The following ARMCX4 variants were observed in gnomAD, a reference collection of about 807,000 sequenced individuals.
ARMCX4 encodes armadillo repeat containing X-linked 4.
In ARMCX4, 3 loss-of-function variants were observed where a neutral mutation model predicts 34.7. That is an observed-to-expected ratio of 0.09 (90% CI 0.04 to 0.22). The LOEUF is 0.22. Ranked by LOEUF, ARMCX4 falls within the 10% of genes least tolerant of loss-of-function variation. The pLI is 1.00. For synonymous variants in ARMCX4, 513 were observed against 632.8 expected, an observed-to-expected ratio of 0.81 and a Z score of 2.84; for missense variants, 1,448 against 1,720.8, an observed-to-expected ratio of 0.84 and a Z score of 2.81.
At chrX:101,447,328 C>T (rs1038863320), downstream of ARMCX4, among the ~76,000 whole-genome samples, 2 of 112,479 alleles carry the variant, frequency 1.8e-5, no homozygotes, top group African/African-American at 6.5e-5. Context: ...TAAATCACCA[C>T]AGTCCCCTTA....
At chrX:101,481,949 C>T (rs1228585301), upstream of ARMCX4, among the ~76,000 whole-genome samples, 1 of 111,260 alleles carries the variant, frequency 9.0e-6, no homozygotes, top group Non-Finnish European at 1.9e-5. Context: ...TAATTATGAT[C>T]CTGGCCAGGC....
chrX:101,476,206 T>C (rs1933179455), intron 4 of ARMCX4, among the ~76,000 whole-genome samples: 1 of 109,372 alleles, frequency 9.1e-6, no homozygotes, highest in Non-Finnish European at 1.9e-5. Flanking sequence ...CTTACTATGT[T>C]CCAGGCCCTG....
At chrX:101,476,076 G>A (rs1343450336) in intron 4 of ARMCX4, among the ~76,000 whole-genome samples, 1 of 110,616 alleles carries the variant, frequency 9.0e-6, no homozygotes, top group Non-Finnish European at 1.9e-5. Context: ...CCAGGTATTA[G>A]AACATGCTTA....
chrX:101,433,141 T>TAC (rs1329796648), intron 2 of ARMCX4, among the ~76,000 whole-genome samples: 2 of 108,087 alleles, frequency 1.9e-5, no homozygotes, highest in Non-Finnish European at 3.9e-5. Context: ...TTTGTATATA[T>TAC]ACTCACATAT....
chrX:101,504,264 A>G (rs1322014630), intron 7 of ARMCX4, among the ~76,000 whole-genome samples: 2 of 111,654 alleles, frequency 1.8e-5, no homozygotes, highest in Non-Finnish European at 3.8e-5. Flanking sequence ...TGACTTGGCA[A>G]TGCGGGCTCT....
intron 2 of ARMCX4, among the ~76,000 whole-genome samples, chrX:101,434,185 G>A (rs1449834276): frequency 6.4e-5 from 7 of 109,797 alleles, no homozygotes; most frequent in African/African-American, 2.3e-4. Flanking sequence ...GAGCTCAAGC[G>A]ATCTGCCCAC....
At chrX:101,431,756 G>A (rs1292090070) in intron 2 of ARMCX4, among the ~76,000 whole-genome samples, 2 of 111,535 alleles carry the variant, frequency 1.8e-5, no homozygotes, top group African/African-American at 6.5e-5. Context: ...TGTTAGCCAG[G>A]ATGGTCTTGA....
chrX:101,506,198 C>T (rs1363200256), intron 8 of ARMCX4, among the ~76,000 whole-genome samples: 2 of 112,241 alleles, frequency 1.8e-5, no homozygotes, highest in Non-Finnish European at 3.8e-5. Context: ...AGTAACTCCT[C>T]CCACTGCTCC....
At chrX:101,516,347 C>T (rs1465973019) in intron 11 of ARMCX4, 1 of 111,476 alleles carries the variant, frequency 9.0e-6, no homozygotes, top group Non-Finnish European at 1.9e-5. Context: ...TCCCCACTAA[C>T]ATTATAAAAT....
chrX:101,527,504 G>A (rs1935004848), intron 11 of ARMCX4, among the ~76,000 whole-genome samples: 1 of 110,772 alleles, frequency 9.0e-6, no homozygotes, highest in Admixed American at 9.6e-5. Flanking sequence ...AGGAAATAGA[G>A]ACACAAAAAA....
intron 4 of ARMCX4, among the ~76,000 whole-genome samples, chrX:101,454,284 A>AT (rs1159821550): frequency 7.3e-5 from 6 of 81,784 alleles, no homozygotes; most frequent in African/African-American, 1.4e-4. Context: ...TTTTTTTTTT[A>AT]TTTTTTTTTG....
intron 4 of ARMCX4, among the ~76,000 whole-genome samples, chrX:101,480,225 A>G (rs1933389416): frequency 9.2e-6 from 1 of 108,645 alleles, no homozygotes; most frequent in Admixed American, 9.9e-5. Flanking sequence ...TAATGTTTTG[A>G]CCACATCATA....
At chrX:101,446,773 G>A (rs1164127746), downstream of ARMCX4, among the ~76,000 whole-genome samples, 1 of 110,340 alleles carries the variant, frequency 9.1e-6, no homozygotes, top group Non-Finnish European at 1.9e-5. Context: ...GGCCAAGATG[G>A]TGAAACCCCA....
intron 11 of ARMCX4, among the ~76,000 whole-genome samples, chrX:101,529,614 G>A (rs1176636891): frequency 2.7e-5 from 3 of 111,634 alleles, no homozygotes; most frequent in African/African-American, 6.5e-5. Context: ...CAGAATCTAC[G>A]AAGAACTTAA....
rs868954321 is a variant in ARMCX4 at position 101,433,233 on chromosome X, C to T, written n.165-10819C>T. Among the ~76,000 whole-genome samples the T allele has an allele frequency of 5.3e-5, 2 of 38,056 alleles. 1 individual carries two copies. The highest frequency in any genetic ancestry group is 2.8e-3 in the South Asian group (2 of 705). 33.0% of individuals were successfully genotyped at this position (38,056 alleles called of 115,157 possible). ...ATACGCACATATATACATATATGTACACATATGTATATATACACACATATA... is the reference window on the plus strand; with the variant it reads ...ATACGCACATATATACATATATGTATACATATGTATATATACACACATATA... On this transcript the variant is annotated intron_variant and non_coding_transcript_variant, in intron 2 of 3. Coordinates refer to the ARMCX4 transcript ENST00000430461.
intron 11 of ARMCX4, among the ~76,000 whole-genome samples, chrX:101,517,244 A>G (rs1934764218): frequency 8.9e-6 from 1 of 112,642 alleles, no homozygotes; most frequent in African/African-American, 3.2e-5. Flanking sequence ...GAAATTTTAC[A>G]TATATTTGAA....
rs1370676965 is a variant in ARMCX4 at position 101,492,519 on chromosome X, A to C, written c.3930A>C (p.Gln1310His). 3 of 1,138,947 alleles carry C rather than the reference A, an allele frequency of 2.6e-6. No individual in the cohort carries two copies. The highest frequency in any genetic ancestry group is 3.8e-5 in the African/African-American group (2 of 53,293). 93.9% of individuals were successfully genotyped at this position (1,138,947 alleles called of 1,213,427 possible). ...GGTCCTGGGCTGGGACTAGTGATCA[A>C]TCTGGTGGTGGGTCCAAGCCTAGAT... ...GGGSWAGTSD[Q>H]SGGGSKPRFE... Residue 1310 changes from glutamine to histidine, a missense_variant, in exon 6 of 6, where the codon CAA becomes CAC. Gln to His is a conservative substitution (Grantham distance 24). This residue lies in a region of ARMCX4 where 1,343 missense variants were observed against 1,540.7 expected (regional missense o/e 0.87). Transcript: ENST00000423738.
rs782235471 is a variant in ARMCX4, at chrX:101,490,015, C to T, written c.1426C>T (p.Leu476Phe). The T allele has an allele frequency of 2.9e-4, 339 of 1,153,990 alleles. No individual in the cohort carries two copies. The highest frequency in any genetic ancestry group is 3.7e-4 in the Non-Finnish European group (319 of 872,555). ...TDMLSCTQPQ[L>F]VASVQADTLS... ...CATGTTGTCCTGTACACAGCCTCAG[C>T]TTGTGGCCAGTGTTCAGGCTGATAC... The change falls in exon 6 of 6, where the codon CTT (leucine) becomes TTT (phenylalanine). Residue 476 changes from leucine (L) to phenylalanine (F), a missense_variant. Leu to Phe is a conservative substitution (Grantham distance 22). Transcript: ENST00000423738.
rs1479049907 is a variant in ARMCX4 at position 101,494,641 on chromosome X, C to G, written c.6052C>G (p.Gln2018Glu). The change falls in exon 6 of 6, where the codon CAA (glutamine) becomes GAA (glutamate). Residue 2018 changes from glutamine (Q) to glutamate (E), a missense_variant. Physicochemically the swap from Gln to Glu is conservative, Grantham distance 29. This residue lies in a region of ARMCX4 where 1,343 missense variants were observed against 1,540.7 expected (regional missense o/e 0.87). Coordinates refer to ENST00000423738, the MANE Select transcript of ARMCX4 (RefSeq NM_001256155.3). ...SFPVEDESRK[Q>E]TRTGEKTRPW... Reference sequence around the variant, plus strand: ...CCCAGTTGAAGATGAGTCCAGAAAACAAACCAGGACTGGGGAAAAAACTCG... The same window carrying G: ...CCCAGTTGAAGATGAGTCCAGAAAAGAAACCAGGACTGGGGAAAAAACTCG... The G allele has an allele frequency of 1.7e-6, 2 of 1,154,035 alleles. No individual in the cohort carries two copies. Among genetic ancestry groups the G allele is most frequent in the Non-Finnish European group, 2.3e-6 (2 of 872,657 alleles).
Sources: gnomAD v4.1 joint callset for allele counts (sites outside exome capture counted in the v4.1 genomes callset) on GRCh38, gnomAD v4.1.1 for gene constraint, gnomAD v4.1.1 regional missense constraint, MANE v1.5 for transcripts, NCBI Gene and HGNC (gene_info 2026-07-23, HGNC 2026-07-21) for gene names.